The following INTS9 variants were observed in gnomAD, a reference collection of about 807,000 sequenced individuals.
INTS9 encodes the protein protein related to CPSF subunits of 74 kDa.
In INTS9, 55 loss-of-function variants were observed where a neutral mutation model predicts 79.7. That is an observed-to-expected ratio of 0.69 (90% CI 0.56 to 0.86). The LOEUF is 0.86. INTS9 is among the 40% of genes least tolerant of loss of function. The pLI is 0.00. For synonymous variants in INTS9, 319 were observed against 325.2 expected, an observed-to-expected ratio of 0.98 and a Z score of 0.20; for missense variants, 721 against 831.5, an observed-to-expected ratio of 0.87 and a Z score of 1.64.
Position 28,814,282 on chromosome 8 carries a change from T to TCACACA in INTS9, c.489-671_489-670insTGTGTG, listed in dbSNP as rs1491258772. Among the ~76,000 whole-genome samples the TCACACA allele has an allele frequency of 5.7e-4, 50 of 88,148 alleles. 1 individual carries two copies. The highest frequency in any genetic ancestry group is 2.4e-3 in the African/African-American group (48 of 20,120). 57.8% of individuals were successfully genotyped at this position (88,148 alleles called of 152,430 possible). A position where few individuals can be genotyped will look rare whatever the true frequency, so the allele number is the denominator to read the frequency against. ...TCCTGAAACAACACTGAACAGGGCT[T>TCACACA]CTCACACACACACACACACACACAC... On this transcript the variant is annotated intron_variant, in intron 6 of 16. Transcript: ENST00000521022.
At chr8:28,881,753 G>C (rs1384493492) in intron 1 of INTS9, among the ~76,000 whole-genome samples, 1 of 148,660 alleles carries the variant, frequency 6.7e-6, no homozygotes, top group Non-Finnish European at 1.5e-5. Flanking sequence ...GGAGGTGAGG[G>C]GCGCCTCTGC....
At chr8:28,878,341 C>T (rs1372065841) in intron 1 of INTS9, among the ~76,000 whole-genome samples, 5 of 151,968 alleles carry the variant, frequency 3.3e-5, no homozygotes, top group African/African-American at 1.2e-4. Context: ...GAAATACGGT[C>T]TCACTCTGTT....
At chr8:28,771,682 C>G (rs1802548175) in intron 14 of INTS9, among the ~76,000 whole-genome samples, 1 of 152,250 alleles carries the variant, frequency 6.6e-6, no homozygotes, top group Admixed American at 6.5e-5. Context: ...AGAAAACGGC[C>G]TATGGCGAGC....
intron 1 of INTS9, among the ~76,000 whole-genome samples, chr8:28,876,747 G>A (rs533822906): frequency 6.6e-6 from 1 of 151,600 alleles, no homozygotes; most frequent in South Asian, 2.1e-4. Flanking sequence ...AACTGGAAAG[G>A]GTATTAAAAA....
At chr8:28,785,940 G>A (rs144489763) in intron 11 of INTS9, among the ~76,000 whole-genome samples, 35 of 152,258 alleles carry the variant, frequency 2.3e-4, no homozygotes, top group African/African-American at 7.0e-4. Context: ...GTGAACACAT[G>A]TACATCAAGA....
At chr8:28,867,117 C>T (rs1808797304) in intron 1 of INTS9, among the ~76,000 whole-genome samples, 1 of 151,410 alleles carries the variant, frequency 6.6e-6, no homozygotes, top group African/African-American at 2.4e-5. Context: ...TGAAACCCCA[C>T]CTCTACTAAA....
chr8:28,835,333 C>T lies in INTS9; in HGVS notation c.447G>A (p.Lys149=). The part of the protein sequence containing the change: ...ELVNFIERVP[K]AQSASLWKNK... ...TCTTCCACAAGGAGGCAGACTGAGC[C>T]TTTGGCACTCTTTCAATGAAATTCA... The change falls in exon 6 of 17, where the codon AAG becomes AAA. Residue 149 remains lysine, a synonymous_variant. Transcript: ENST00000521022. 6.2e-7 allele frequency: 1 copy of T among 1,613,886 alleles called. No individual in the cohort carries two copies. Among genetic ancestry groups the T allele is most frequent in the South Asian group, 1.1e-5 (1 of 91,052 alleles).
chr8:28,770,651 A>C lies in INTS9; in HGVS notation c.1662+331T>G, dbSNP rs553455559. On this transcript the variant is annotated intron_variant, in intron 15 of 16. Transcript: ENST00000521022. ...AGTGCCACCCACCTGTGTGTGGGTC[A>C]TTGGTAGGACCAGGCTCTCAGGTAG... Among the ~76,000 whole-genome samples, 7 of 152,352 alleles carry C rather than the reference A, an allele frequency of 4.6e-5. No homozygotes were observed. The East Asian group carries it at 1.2e-3, about 25-fold the overall frequency.
intron 6 of INTS9, among the ~76,000 whole-genome samples, chr8:28,826,186 T>A (rs1806129263): frequency 6.6e-6 from 1 of 152,222 alleles, no homozygotes; most frequent in Non-Finnish European, 1.5e-5. Context: ...AAAAGAGTAA[T>A]GTGTATCTTT....
intron 4 of INTS9, among the ~76,000 whole-genome samples, chr8:28,842,679 G>A (rs1228236057): frequency 7.5e-5 from 11 of 147,544 alleles, no homozygotes; most frequent in Admixed American, 7.4e-4. Flanking sequence ...TTTTTTTTTT[G>A]TCACATCCAC....
rs574559351 is a variant in INTS9, at chr8:28,793,665, T to C, written c.1037+142A>G. 48 of 807,052 alleles carry C rather than the reference T, an allele frequency of 5.9e-5. 1 individual carries two copies. The South Asian group carries it at 8.7e-4, about 15-fold the overall frequency. The allele number at this position is 807,052 out of a possible 1,614,324, so 50.0% of individuals were successfully genotyped here. A position where few individuals can be genotyped will look rare whatever the true frequency, so the allele number is the denominator to read the frequency against. On this transcript the variant is annotated intron_variant, in intron 10 of 16. Transcript: ENST00000521022. ...ATGCAACAGATTTGGCTTTTAATAATGCAATCTTATCACAGACAGAAAAAC... is the reference window on the plus strand; with the variant it reads ...ATGCAACAGATTTGGCTTTTAATAACGCAATCTTATCACAGACAGAAAAAC...
chr8:28,871,201 G>T (rs912729120), intron 1 of INTS9, among the ~76,000 whole-genome samples: 4 of 152,112 alleles, frequency 2.6e-5, no homozygotes, highest in Non-Finnish European at 5.9e-5. Flanking sequence ...GGGAGAGAAC[G>T]GAAGCAGTAG....
intron 9 of INTS9, among the ~76,000 whole-genome samples, chr8:28,796,077 A>G (rs1393003054): frequency 6.6e-6 from 1 of 152,214 alleles, no homozygotes; most frequent in Admixed American, 6.5e-5. Context: ...TGGGAGGCCA[A>G]AGCGGGCGGA....
At chr8:28,815,509 A>G (rs2131065789) in intron 6 of INTS9, among the ~76,000 whole-genome samples, 1 of 152,330 alleles carries the variant, frequency 6.6e-6, no homozygotes, top group East Asian at 1.9e-4. Flanking sequence ...TGAGGCAAAC[A>G]TGACGCTTAA....
At chr8:28,820,475 G>T (rs922459326) in intron 6 of INTS9, among the ~76,000 whole-genome samples, 2 of 152,198 alleles carry the variant, frequency 1.3e-5, no homozygotes, top group Non-Finnish European at 1.5e-5. Flanking sequence ...ACTCTCTTCT[G>T]GCTTGTAGAG....
intron 1 of INTS9, among the ~76,000 whole-genome samples, chr8:28,861,606 A>T (rs1563304542): frequency 6.6e-6 from 1 of 152,248 alleles, no homozygotes; most frequent in Non-Finnish European, 1.5e-5. Context: ...CAGAAAAAAA[A>T]TGTGATTAAA....
At chr8:28,850,093 A>G (rs763364269) in intron 3 of INTS9, 120 bp downstream of exon 3, 2 of 677,190 alleles carry the variant, frequency 3.0e-6, no homozygotes, top group Non-Finnish European at 5.1e-6. Context: ...GATCTTGGGG[A>G]TTTTCAGAGA....
At chr8:28,828,657 C>T (rs761162795) in intron 6 of INTS9, among the ~76,000 whole-genome samples, 2 of 151,846 alleles carry the variant, frequency 1.3e-5, no homozygotes, top group Non-Finnish European at 2.9e-5. Flanking sequence ...ACCCAAGGAG[C>T]GTCAGAGCGG....
At chr8:28,772,983 C>T (rs971664694) in intron 14 of INTS9, among the ~76,000 whole-genome samples, 2 of 152,210 alleles carry the variant, frequency 1.3e-5, no homozygotes, top group African/African-American at 4.8e-5. Context: ...AACTGTCACA[C>T]TCATTCTAGA....
Sources: allele counts gnomAD v4.1 joint callset (sites outside exome capture counted in the v4.1 genomes callset), GRCh38; gene constraint gnomAD v4.1.1; transcripts MANE v1.5; gene names NCBI Gene and HGNC (gene_info 2026-07-23, HGNC 2026-07-21).